The following MAGI2 variants were observed in gnomAD, a reference collection of about 807,000 sequenced individuals.
The protein encoded by MAGI2 is membrane associated guanylate kinase, WW and PDZ domain containing 2.
A neutral mutation model predicts 133.3 loss-of-function variants in MAGI2; 35 were observed. That is an observed-to-expected ratio of 0.26 (90% CI 0.20 to 0.35). The LOEUF is 0.35. Among genes scored for constraint, MAGI2 ranks in the 10% least tolerant of loss-of-function variants. The probability of loss-of-function intolerance (pLI) is 1.00; values close to 1 mark genes in which losing one functional copy is unlikely to be tolerated. For synonymous variants in MAGI2, 729 were observed against 710.6 expected (o/e 1.03, Z -0.41); for missense variants, 1,636 against 1,863.4 (o/e 0.88, Z 2.25).
intron 10 of MAGI2, among the ~76,000 whole-genome samples, chr7:78,208,155 T>TAAA (rs1554499969): frequency 1.9e-4 from 28 of 145,330 alleles, no homozygotes; most frequent in Admixed American, 6.2e-4. Flanking sequence ...TTTTTTTTTT[T>TAAA]AATATGGGGA....
intron 1 of MAGI2, among the ~76,000 whole-genome samples, chr7:79,364,507 AC>A (rs1842567982): frequency 6.6e-6 from 1 of 152,120 alleles, no homozygotes; most frequent in Non-Finnish European, 1.5e-5. Flanking sequence ...TTTAAAAACA[AC>A]ATGAGAAGAA....
chr7:78,597,869 T>C (rs1250789178), intron 3 of MAGI2, among the ~76,000 whole-genome samples: 4 of 112,496 alleles, frequency 3.6e-5, no homozygotes, highest in Non-Finnish European at 7.2e-5. Flanking sequence ...TGTTTTTTTT[T>C]TTCCCCATAG....
In MAGI2 at chr7:79,056,759, A is replaced by G. The variant is rs181340833; in HGVS notation, c.302-49553T>C. On this transcript the variant is annotated intron_variant, in intron 1 of 21. Transcript: ENST00000354212. ...ATTATTATAAAGAATAATATGTCAC[A>G]GTATTCATTAGTGTTTATTAAAATA... is the stretch of plus-strand genomic sequence containing the variant. Among the ~76,000 whole-genome samples, 144 of 152,336 alleles carry G rather than the reference A, an allele frequency of 9.5e-4. 1 individual carries two copies. Among genetic ancestry groups the G allele is most frequent in the African/African-American group, 3.3e-3 (138 of 41,572 alleles).
In MAGI2 at chr7:78,167,937, T is replaced by G; in HGVS notation, c.2575A>C (p.Arg859=). ...ATACCTCCACATAGCACCTTTCTTC[T>G]CACAGTGAGGTTGACCTGCCCATTG... ...ARNGQVNLTV[R]RKVLCGGEPC... is the part of the protein sequence containing the mutation. Residue 859 remains arginine, a synonymous_variant, in exon 15 of 22, where the codon AGA becomes CGA. Coordinates refer to ENST00000354212, the MANE Select transcript of MAGI2 (RefSeq NM_012301.4). The G allele has an allele frequency of 6.2e-7, 1 of 1,614,066 alleles. No individual in the cohort carries two copies. The highest frequency in any genetic ancestry group is 1.7e-5 in the Admixed American group (1 of 60,020).
chr7:78,125,855 A>G lies in MAGI2; in HGVS notation c.3424-18T>C. 2 of 1,611,964 alleles carry G rather than the reference A, an allele frequency of 1.2e-6. No homozygotes were observed. Among genetic ancestry groups the G allele is most frequent in the Non-Finnish European group, 8.5e-7 (1 of 1,178,400 alleles). ...TCAAAATCCTTTGGGGTTGGGGAGAAAATGGAATAAATAATTATTTAGTTA... is the reference window on the plus strand; with the variant it reads ...TCAAAATCCTTTGGGGTTGGGGAGAGAATGGAATAAATAATTATTTAGTTA... On this transcript the variant is annotated intron_variant, in intron 19 of 21. Transcript: ENST00000354212.
At chr7:79,149,698 G>A (rs1002324615) in intron 1 of MAGI2, among the ~76,000 whole-genome samples, 1 of 152,074 alleles carries the variant, frequency 6.6e-6, no homozygotes, top group Non-Finnish European at 1.5e-5. Flanking sequence ...GGGAACCTCA[G>A]GCTCAGAGCC....
chr7:79,116,962 C>G (rs1819464125), intron 1 of MAGI2, among the ~76,000 whole-genome samples: 4 of 152,136 alleles, frequency 2.6e-5, no homozygotes, highest in Non-Finnish European at 5.9e-5. Flanking sequence ...TTATAAATTA[C>G]CCAGCCTCAG....
At chr7:78,471,753 C>G (rs1379840257) in intron 6 of MAGI2, among the ~76,000 whole-genome samples, 1 of 151,844 alleles carries the variant, frequency 6.6e-6, no homozygotes, top group African/African-American at 2.4e-5. Context: ...AGTGAAACCC[C>G]GTGTCTACTA....
chr7:78,907,715 T>C (rs1248467927), intron 2 of MAGI2, among the ~76,000 whole-genome samples: 1 of 152,154 alleles, frequency 6.6e-6, no homozygotes, highest in Non-Finnish European at 1.5e-5. Flanking sequence ...GGATTTGGAA[T>C]TACCTATTTC....
chr7:79,391,238 G>A (rs1260380655), intron 1 of MAGI2, among the ~76,000 whole-genome samples: 4 of 151,888 alleles, frequency 2.6e-5, no homozygotes, highest in African/African-American at 7.2e-5. Flanking sequence ...TTTGTACTTA[G>A]AGGAAACAGG....
At chr7:79,150,217 T>A (rs1297906254) in intron 1 of MAGI2, among the ~76,000 whole-genome samples, 1 of 151,576 alleles carries the variant, frequency 6.6e-6, no homozygotes, top group African/African-American at 2.4e-5. Flanking sequence ...TAAACATCTG[T>A]GTACATTTTC....
chr7:78,453,570 A>G (rs1357689223), intron 6 of MAGI2, among the ~76,000 whole-genome samples: 2 of 152,134 alleles, frequency 1.3e-5, no homozygotes, highest in Non-Finnish European at 2.9e-5. Flanking sequence ...AACTTGCCCA[A>G]ATGTCACTTC....
At chr7:78,694,194 T>C (rs116160598) in intron 2 of MAGI2, among the ~76,000 whole-genome samples, 1,532 of 152,226 alleles carry the variant, frequency 0.01, 25 homozygotes, top group African/African-American at 0.035. Flanking sequence ...CATAAGACTA[T>C]TTTTCTTCCT....
intron 1 of MAGI2, among the ~76,000 whole-genome samples, chr7:79,232,644 CT>C (rs1831475822): frequency 9.1e-6 from 1 of 109,744 alleles, no homozygotes. Flanking sequence ...GTGATATCCC[CT>C]TTATCATTTT....
At chr7:78,491,739 C>A (rs561277164) in intron 5 of MAGI2, among the ~76,000 whole-genome samples, 1 of 152,088 alleles carries the variant, frequency 6.6e-6, no homozygotes, top group South Asian at 2.1e-4. Flanking sequence ...GAACTAAAGA[C>A]TTGAAGCTTG....
chr7:78,458,736 G>A (rs1789627735), intron 6 of MAGI2, among the ~76,000 whole-genome samples: 1 of 151,640 alleles, frequency 6.6e-6, no homozygotes, highest in Non-Finnish European at 1.5e-5. Flanking sequence ...CTGGGTTCAT[G>A]ACATTCTCCT....
rs73702842 is a variant in MAGI2 at position 78,231,838 on chromosome 7, C to T, written c.2047+24105G>A. Among the ~76,000 whole-genome samples, 318 of 152,226 alleles carry T rather than the reference C, an allele frequency of 2.1e-3. 1 individual carries two copies. The highest frequency in any genetic ancestry group is 7.1e-3 in the African/African-American group (294 of 41,544). ...ACTTAGGGTATGGTAGAAGTCCAGTCGTTGACTGAATAGCTGGACTTGTCT... is the reference window on the plus strand; with the variant it reads ...ACTTAGGGTATGGTAGAAGTCCAGTTGTTGACTGAATAGCTGGACTTGTCT... On this transcript the variant is annotated intron_variant, in intron 10 of 21. Coordinates refer to ENST00000354212, the MANE Select transcript of MAGI2 (RefSeq NM_012301.4).
chr7:79,251,775 A>C (rs1318333718), intron 1 of MAGI2, among the ~76,000 whole-genome samples: 1 of 152,168 alleles, frequency 6.6e-6, no homozygotes, highest in Non-Finnish European at 1.5e-5. Context: ...TCGAAAAGAC[A>C]TCTGCATTCC....
chr7:78,936,915 C>T (rs1159094803), intron 2 of MAGI2, among the ~76,000 whole-genome samples: 1 of 151,956 alleles, frequency 6.6e-6, no homozygotes, highest in African/African-American at 2.4e-5. Context: ...CTTGAGTATA[C>T]ATACATCTAT....
Sources: gnomAD v4.1 joint callset for allele counts (sites outside exome capture counted in the v4.1 genomes callset) on GRCh38, gnomAD v4.1.1 for gene constraint, MANE v1.5 for transcripts, NCBI Gene and HGNC (gene_info 2026-07-23, HGNC 2026-07-21) for gene names.